Variants in ROBO1 observed in about 807,000 individuals in gnomAD.
ROBO1 encodes the protein roundabout homolog 1.
Under a neutral mutation model 195.9 loss-of-function variants are expected in ROBO1, and 149 were observed. The observed-to-expected ratio is 0.76, with a 90% CI of 0.67 to 0.87. The LOEUF (loss-of-function observed/expected upper bound fraction) is 0.87. ROBO1 is among the 40% of genes least tolerant of loss of function. The pLI is 0.00. For synonymous variants in ROBO1, 816 were observed against 733.2 expected, an observed-to-expected ratio of 1.11 and a Z score of -1.82; for missense variants, 1,933 against 2,068.3, an observed-to-expected ratio of 0.93 and a Z score of 1.27.
intron 1 of ROBO1, among the ~76,000 whole-genome samples, chr3:79,694,244 A>G (rs2107106931): frequency 6.6e-6 from 1 of 152,004 alleles, no homozygotes; most frequent in East Asian, 1.9e-4. Context: ...TCATTTTGAC[A>G]GTAGAATGTC....
At chr3:79,153,833 T>C (rs938912953) in intron 2 of ROBO1, among the ~76,000 whole-genome samples, 8 of 150,942 alleles carry the variant, frequency 5.3e-5, no homozygotes, top group African/African-American at 1.9e-4. Context: ...TATCATTACA[T>C]TTTATCCTTA....
chr3:78,864,159 A>G (rs984541553), intron 4 of ROBO1, among the ~76,000 whole-genome samples: 2 of 152,168 alleles, frequency 1.3e-5, no homozygotes, highest in Non-Finnish European at 1.5e-5. Flanking sequence ...CTCTCCTCCT[A>G]AAAACAAGCA....
intron 1 of ROBO1, among the ~76,000 whole-genome samples, chr3:79,751,691 G>A (rs969681491): frequency 1.3e-5 from 2 of 152,084 alleles, no homozygotes; most frequent in African/African-American, 4.8e-5. Context: ...AATGTATCTT[G>A]CAATTTTTAT....
chr3:79,173,817 G>A (rs1300429858), intron 2 of ROBO1, among the ~76,000 whole-genome samples: 2 of 152,140 alleles, frequency 1.3e-5, no homozygotes, highest in Admixed American at 6.5e-5. Flanking sequence ...GAACCTTTAC[G>A]TCTAGCCAAG....
chr3:79,633,382 G>A (rs1478929907), intron 1 of ROBO1, among the ~76,000 whole-genome samples: 1 of 148,348 alleles, frequency 6.7e-6, no homozygotes, highest in Non-Finnish European at 1.5e-5. Flanking sequence ...GAGAGATGGG[G>A]TTTCACCATG....
chr3:78,882,616 C>G (rs1356816544), intron 4 of ROBO1, among the ~76,000 whole-genome samples: 1 of 152,126 alleles, frequency 6.6e-6, no homozygotes, highest in African/African-American at 2.4e-5. Context: ...TCCACATTTT[C>G]CAATTTCTGC....
intron 3 of ROBO1, among the ~76,000 whole-genome samples, chr3:79,125,111 G>GT (rs565448200): frequency 3.2e-4 from 49 of 151,510 alleles, no homozygotes; most frequent in Admixed American, 2.8e-3. Flanking sequence ...TGCAGGTAGT[G>GT]TTTTTTTCCT....
rs1307333624 is a variant in ROBO1 at position 79,688,200 on chromosome 3, C to T, written c.-51+79552G>A. 3.2e-5 allele frequency among the ~76,000 whole-genome samples: 4 copies of T among 125,348 alleles called. No individual in the cohort carries two copies. In the East Asian group the frequency reaches 9.5e-4, roughly 30 times the overall value. The allele number at this position is 125,348 out of a possible 152,430, so 82.2% of individuals were successfully genotyped here. Reference sequence around the variant, plus strand: ...CACATGGACACAGGAAGGGGAACATCACACACTGGGGCCTGTTGTGGGGTG... The same window carrying T: ...CACATGGACACAGGAAGGGGAACATTACACACTGGGGCCTGTTGTGGGGTG... On this transcript the variant is annotated intron_variant, in intron 1 of 30. Transcript: ENST00000464233.
chr3:79,046,292 C>A (rs545847329), intron 3 of ROBO1, among the ~76,000 whole-genome samples: 4 of 152,062 alleles, frequency 2.6e-5, no homozygotes, highest in African/African-American at 9.6e-5. Context: ...CTAATAGCCA[C>A]CTGAGGGAGC....
chr3:79,517,540 T>C (rs1941003442), intron 2 of ROBO1, among the ~76,000 whole-genome samples: 1 of 152,198 alleles, frequency 6.6e-6, no homozygotes, highest in Non-Finnish European at 1.5e-5. Flanking sequence ...ACATTCTTTC[T>C]GGTCCACCTC....
At chr3:79,633,183 T>G (rs1259874940) in intron 1 of ROBO1, among the ~76,000 whole-genome samples, 11 of 4,114 alleles carry the variant, frequency 2.7e-3, no homozygotes, top group South Asian at 0.024. Context: ...TTTGCTGGGT[T>G]TTTTTTTTTT....
rs187438464 is a variant in ROBO1, at chr3:78,611,778, G to A, written c.4435+2870C>T. On this transcript the variant is annotated intron_variant, in intron 28 of 30. Transcript: ENST00000464233. ...ATGAAGTTAAAATGAGGTCACCGGG[G>A]TAGGTCCTAATCCATAACTGATGTC... Among the ~76,000 whole-genome samples, 192 of 152,274 alleles carry A rather than the reference G, an allele frequency of 1.3e-3. 1 individual carries two copies. The highest frequency in any genetic ancestry group is 4.5e-3 in the African/African-American group (185 of 41,550).
At chr3:79,707,950 T>C (rs765065536) in intron 1 of ROBO1, among the ~76,000 whole-genome samples, 1 of 152,190 alleles carries the variant, frequency 6.6e-6, no homozygotes, top group Non-Finnish European at 1.5e-5. Flanking sequence ...ATAACTTATA[T>C]TGGCTCTAAA....
At chr3:79,592,427 A>G (rs893999236) in intron 1 of ROBO1, among the ~76,000 whole-genome samples, 1 of 152,038 alleles carries the variant, frequency 6.6e-6, no homozygotes, top group African/African-American at 2.4e-5. Context: ...AAAACATAAT[A>G]TGATTTTTAA....
At chr3:78,872,095 G>A (rs144412094) in intron 4 of ROBO1, among the ~76,000 whole-genome samples, 11 of 152,316 alleles carry the variant, frequency 7.2e-5, no homozygotes, top group Non-Finnish European at 1.6e-4. Context: ...TTTATAAGAT[G>A]TGAGCATAAG....
chr3:78,786,563 C>T (rs1292872971), intron 4 of ROBO1, among the ~76,000 whole-genome samples: 5 of 152,144 alleles, frequency 3.3e-5, no homozygotes, highest in African/African-American at 9.7e-5. Flanking sequence ...CTCCACATGT[C>T]GTGGGAGGGA....
At chr3:79,396,296 G>A (rs941782278) in intron 2 of ROBO1, among the ~76,000 whole-genome samples, 2 of 151,862 alleles carry the variant, frequency 1.3e-5, no homozygotes, top group Non-Finnish European at 2.9e-5. Context: ...AAGCCTTAAC[G>A]ATAACTAATA....
At chr3:78,869,240 A>G (rs536926944) in intron 4 of ROBO1, among the ~76,000 whole-genome samples, 3 of 152,202 alleles carry the variant, frequency 2.0e-5, no homozygotes, top group African/African-American at 4.8e-5. Flanking sequence ...TAACTGATCA[A>G]CTTACCCAGT....
intron 3 of ROBO1, among the ~76,000 whole-genome samples, chr3:78,982,290 A>G (rs2077013110): frequency 1.3e-5 from 2 of 152,144 alleles, no homozygotes; most frequent in African/African-American, 4.8e-5. Flanking sequence ...TTATTGAGTA[A>G]TCACTCTCCT....
Sources: allele counts gnomAD v4.1 joint callset (sites outside exome capture counted in the v4.1 genomes callset), GRCh38; gene constraint gnomAD v4.1.1; transcripts MANE v1.5; gene names NCBI Gene and HGNC (gene_info 2026-07-23, HGNC 2026-07-21).